The following MBD5 variants were observed in gnomAD, a reference collection of about 807,000 sequenced individuals.
MBD5 encodes methyl-CpG-binding domain protein 5.
Under a neutral mutation model 117.3 loss-of-function variants are expected in MBD5, and 13 were observed. The observed-to-expected ratio is 0.11, with a 90% CI of 0.07 to 0.18. The LOEUF is 0.18. MBD5 is among the 10% of genes least tolerant of loss of function. The probability of loss-of-function intolerance (pLI) is 1.00; values close to 1 mark genes in which losing one functional copy is unlikely to be tolerated. For missense variants in MBD5, 1,879 were observed against 2,093.8 expected (o/e 0.90, Z 2.00); for synonymous variants, 727 against 766.4 (o/e 0.95, Z 0.85).
intron 4 of MBD5, among the ~76,000 whole-genome samples, chr2:148,391,203 GT>G (rs1324430742): frequency 6.6e-6 from 1 of 152,076 alleles, no homozygotes; most frequent in Non-Finnish European, 1.5e-5. Flanking sequence ...AGGGTTATTT[GT>G]TTCTTCCATT....
At chr2:148,023,259 A>G (rs1003995650) in intron 1 of MBD5, among the ~76,000 whole-genome samples, 1 of 152,156 alleles carries the variant, frequency 6.6e-6, no homozygotes, top group Non-Finnish European at 1.5e-5. Context: ...ATTTGGCAAA[A>G]ATATTATAAA....
intron 3 of MBD5, among the ~76,000 whole-genome samples, chr2:148,337,661 TCA>T (rs1702832871): frequency 6.8e-6 from 1 of 146,302 alleles, no homozygotes; most frequent in Non-Finnish European, 1.5e-5. Flanking sequence ...AAATTCTATG[TCA>T]TGTGAATAAC....
intron 3 of MBD5, among the ~76,000 whole-genome samples, chr2:148,282,855 T>C (rs1413883112): frequency 1.3e-5 from 2 of 151,646 alleles, no homozygotes; most frequent in East Asian, 1.9e-4. Context: ...TAATTTTGAC[T>C]ACTGGATATT....
At position 148,172,137 on chromosome 2, in the gene MBD5, A is replaced by AG. The variant is rs578251120; in HGVS notation, c.-924-6556dup. Among the ~76,000 whole-genome samples, 1,099 of 152,288 alleles carry AG rather than the reference A, an allele frequency of 7.2e-3. 11 individuals carry two copies. Among genetic ancestry groups the AG allele is most frequent in the African/African-American group, 0.025 (1,024 of 41,566 alleles). On this transcript the variant is annotated intron_variant, in intron 1 of 13. Coordinates refer to ENST00000642680, the MANE Select transcript of MBD5 (RefSeq NM_001378120.1). ...CTGCCCCTGCAAAGAATCCAGCTGC[A>AG]GGGGGGGAGGTGCAGCCAAAGCTGG...
At chr2:148,304,906 A>T (rs1175238382) in intron 3 of MBD5, among the ~76,000 whole-genome samples, 1 of 152,010 alleles carries the variant, frequency 6.6e-6, no homozygotes, top group African/African-American at 2.4e-5. Flanking sequence ...TCTACTAAAA[A>T]TACAAAAAAT....
At chr2:148,418,195 C>A (rs1486589770) in intron 4 of MBD5, among the ~76,000 whole-genome samples, 1 of 151,992 alleles carries the variant, frequency 6.6e-6, no homozygotes, top group African/African-American at 2.4e-5. Context: ...AATATTAGTC[C>A]TTTTTCAGAT....
At chr2:148,385,405 A>G (rs572770077) in intron 4 of MBD5, among the ~76,000 whole-genome samples, 4 of 152,358 alleles carry the variant, frequency 2.6e-5, no homozygotes, top group African/African-American at 7.2e-5. Flanking sequence ...CAAAACCACA[A>G]TGAGATACCA....
intron 4 of MBD5, among the ~76,000 whole-genome samples, chr2:148,413,879 C>T (rs1203912682): frequency 2.0e-5 from 3 of 146,888 alleles, no homozygotes; most frequent in Admixed American, 6.8e-5. Flanking sequence ...ATTAGTCTAG[C>T]TAGCAGTATA....
At chr2:148,452,408 G>A (rs1304094003) in intron 4 of MBD5, among the ~76,000 whole-genome samples, 2 of 152,084 alleles carry the variant, frequency 1.3e-5, no homozygotes, top group South Asian at 4.1e-4. Flanking sequence ...GCTGAGGCAG[G>A]AGGATAGCTT....
At chr2:148,181,407 T>G (rs1698532227) in intron 2 of MBD5, among the ~76,000 whole-genome samples, 1 of 152,206 alleles carries the variant, frequency 6.6e-6, no homozygotes, top group Admixed American at 6.5e-5. Context: ...ACAGAATATA[T>G]GTTTATGATT....
chr2:148,288,399 C>CAAAAAAAAAA lies in MBD5; in HGVS notation c.-679-53809_-679-53800dup, dbSNP rs569673565. Among the ~76,000 whole-genome samples, 21 of 37,782 alleles carry CAAAAAAAAAA rather than the reference C, an allele frequency of 5.6e-4. 3 individuals are homozygous for CAAAAAAAAAA. Among genetic ancestry groups the CAAAAAAAAAA allele is most frequent in the East Asian group, 5.0e-3 (2 of 398 alleles). 24.8% of individuals were successfully genotyped at this position (37,782 alleles called of 152,430 possible). On this transcript the variant is annotated intron_variant, in intron 3 of 13. Transcript: ENST00000642680. ...TGGGCGACAGAGCGAGACTCCGTCT[C>CAAAAAAAAAA]AAAAAAAAAAAAAAAGTGATTTCTT...
intron 11 of MBD5, among the ~76,000 whole-genome samples, chr2:148,498,721 C>CT (rs538023990): frequency 6.6e-6 from 1 of 152,200 alleles, no homozygotes; most frequent in African/African-American, 2.4e-5. Flanking sequence ...TTTTGTCAGA[C>CT]TTTAAGTTTC....
At chr2:148,148,263 T>A (rs749812039) in intron 1 of MBD5, among the ~76,000 whole-genome samples, 1 of 152,314 alleles carries the variant, frequency 6.6e-6, no homozygotes. Context: ...CTCCTAAAAC[T>A]GTAGAATGTA....
intron 1 of MBD5, among the ~76,000 whole-genome samples, chr2:148,062,860 C>G (rs1695077420): frequency 6.6e-6 from 1 of 151,782 alleles, no homozygotes; most frequent in Admixed American, 6.6e-5. Flanking sequence ...GTGGTATTAA[C>G]CAAATATAAA....
intron 1 of MBD5, among the ~76,000 whole-genome samples, chr2:148,176,645 G>T (rs59984641): frequency 0.087 from 13,290 of 151,912 alleles, 647 homozygotes; most frequent in South Asian, 0.14. Flanking sequence ...CTGACCTCAG[G>T]TGATCCACCT....
chr2:148,228,581 G>T (rs1574163581), intron 2 of MBD5, among the ~76,000 whole-genome samples: 1 of 151,850 alleles, frequency 6.6e-6, no homozygotes. Context: ...TCTTTTTGCT[G>T]TGTCTCTGCC....
intron 1 of MBD5, among the ~76,000 whole-genome samples, chr2:148,111,090 C>G (rs1282367756): frequency 6.6e-6 from 1 of 152,122 alleles, no homozygotes; most frequent in African/African-American, 2.4e-5. Flanking sequence ...TGCTCAAAAA[C>G]TGAGGAGACA....
chr2:148,034,760 T>A (rs910372012), intron 1 of MBD5, among the ~76,000 whole-genome samples: 1 of 152,212 alleles, frequency 6.6e-6, no homozygotes, highest in Non-Finnish European at 1.5e-5. Flanking sequence ...GTTGCATCCT[T>A]AGCGGCTTTG....
chr2:148,285,959 C>T (rs770944747), intron 3 of MBD5, among the ~76,000 whole-genome samples: 26 of 152,012 alleles, frequency 1.7e-4, no homozygotes, highest in South Asian at 4.2e-4. Context: ...ACTTATTCTT[C>T]AGAATAGTGT....
Sources: gnomAD v4.1 joint callset for allele counts (sites outside exome capture counted in the v4.1 genomes callset) on GRCh38, gnomAD v4.1.1 for gene constraint, MANE v1.5 for transcripts, NCBI Gene and HGNC (gene_info 2026-07-23, HGNC 2026-07-21) for gene names.